COL25A1: variants seen among roughly 807,000 people sequenced by gnomAD.
COL25A1 encodes collagen alpha-1(XXV) chain.
COL25A1 carries 103 observed loss-of-function variants against 128.4 expected under a neutral mutation model. The ratio of observed to expected loss-of-function variants is 0.80; its 90% CI spans 0.68 to 0.94. The LOEUF (loss-of-function observed/expected upper bound fraction) is 0.94. Among genes scored for constraint, COL25A1 ranks in the 40% least tolerant of loss-of-function variants. The pLI, the probability that COL25A1 is intolerant of heterozygous loss-of-function variation, is 0.00. For synonymous variants in COL25A1, 279 were observed against 277.2 expected, an observed-to-expected ratio of 1.01 and a Z score of -0.06; for missense variants, 745 against 840.0, an observed-to-expected ratio of 0.89 and a Z score of 1.40.
chr4:109,276,482 T>C (rs1043802033), intron 3 of COL25A1, among the ~76,000 whole-genome samples: 4 of 152,022 alleles, frequency 2.6e-5, no homozygotes, highest in African/African-American at 9.7e-5. Flanking sequence ...AGGTGCTTAA[T>C]AACTATTTAT....
In COL25A1 at chr4:109,254,472, TATATATATATATATA is replaced by T. The variant is rs1560936646; in HGVS notation, c.367+46096_367+46110del. ...CTATGTACATGTAGGCATATGTTTA[TATATATATATATATA>T]TATATATATATATATATATGTATGT... On this transcript the variant is annotated intron_variant, in intron 3 of 37. Coordinates refer to ENST00000399132, the MANE Select transcript of COL25A1 (RefSeq NM_198721.4). Among the ~76,000 whole-genome samples the T allele has an allele frequency of 5.5e-4, 46 of 82,898 alleles. 2 individuals carry two copies. The highest frequency in any genetic ancestry group is 3.7e-3 in the African/African-American group (45 of 12,056). The allele number at this position is 82,898 out of a possible 152,430, so 54.4% of individuals were successfully genotyped here.
At chr4:109,144,720 T>A (rs868528576) in intron 3 of COL25A1, among the ~76,000 whole-genome samples, 2 of 152,214 alleles carry the variant, frequency 1.3e-5, no homozygotes, top group Non-Finnish European at 2.9e-5. Flanking sequence ...TTCACAGTAA[T>A]GTCTAAGTCC....
At chr4:108,825,247 A>G (rs1732234043) in intron 33 of COL25A1, 25 bp from the exon 34 acceptor site, 2 of 1,607,272 alleles carry the variant, frequency 1.2e-6, no homozygotes, top group South Asian at 1.1e-5. Flanking sequence ...TAGTAGCTAC[A>G]TTAGTGTTTC....
At chr4:108,930,961 T>C (rs1276265647) in intron 11 of COL25A1, among the ~76,000 whole-genome samples, 4 of 152,222 alleles carry the variant, frequency 2.6e-5, no homozygotes, top group Admixed American at 6.5e-5. Flanking sequence ...CTTTATCTAA[T>C]GATGAAATAT....
At chr4:109,214,640 C>T (rs868731086) in intron 3 of COL25A1, among the ~76,000 whole-genome samples, 6 of 151,806 alleles carry the variant, frequency 4.0e-5, no homozygotes, top group East Asian at 1.9e-4. Context: ...AAACAAGTTA[C>T]GTGTTGGACA....
intron 3 of COL25A1, among the ~76,000 whole-genome samples, chr4:109,065,106 G>C (rs936051703): frequency 6.6e-6 from 1 of 152,146 alleles, no homozygotes; most frequent in Non-Finnish European, 1.5e-5. Context: ...CTAGCCCCTC[G>C]GACTGGACTG....
intron 5 of COL25A1, chr4:109,021,780 A>G (rs1170223763): frequency 1.8e-5 from 8 of 453,408 alleles, no homozygotes; most frequent in South Asian, 1.2e-4. Context: ...TCCTGGGGGC[A>G]GGTCTATAAA....
intron 16 of COL25A1, among the ~76,000 whole-genome samples, chr4:108,895,938 CTTTT>C (rs35506597): frequency 1.4e-5 from 1 of 70,792 alleles, no homozygotes; most frequent in African/African-American, 5.4e-5. Flanking sequence ...TATAATCAAA[CTTTT>C]TTTTTTTTTT....
At chr4:109,191,097 C>T (rs144620571) in intron 3 of COL25A1, among the ~76,000 whole-genome samples, 14 of 152,198 alleles carry the variant, frequency 9.2e-5, no homozygotes, top group East Asian at 7.7e-4. Context: ...ATCACTATTC[C>T]GAAGCAAACA....
At chr4:109,223,290 C>G (rs974279845) in intron 3 of COL25A1, among the ~76,000 whole-genome samples, 2 of 152,132 alleles carry the variant, frequency 1.3e-5, no homozygotes, top group African/African-American at 4.8e-5. Context: ...ACAATTCTAA[C>G]ACGTCTATTG....
intron 16 of COL25A1, among the ~76,000 whole-genome samples, chr4:108,893,901 T>C (rs1051241009): frequency 2.6e-5 from 4 of 152,198 alleles, no homozygotes; most frequent in Non-Finnish European, 4.4e-5. Flanking sequence ...TTACATATTA[T>C]ACACATTACA....
chr4:109,216,471 G>C (rs1187209747), intron 3 of COL25A1, among the ~76,000 whole-genome samples: 1 of 152,114 alleles, frequency 6.6e-6, no homozygotes, highest in Non-Finnish European at 1.5e-5. Flanking sequence ...GGTCTTTGTA[G>C]ATATAATCAA....
At chr4:109,051,015 G>T (rs992246331) in intron 3 of COL25A1, among the ~76,000 whole-genome samples, 1 of 151,930 alleles carries the variant, frequency 6.6e-6, no homozygotes, top group Non-Finnish European at 1.5e-5. Flanking sequence ...CATTTCCTTG[G>T]GCAGGAGTAG....
At chr4:109,010,873 TTTAAG>T (rs1756519953) in intron 5 of COL25A1, among the ~76,000 whole-genome samples, 1 of 152,226 alleles carries the variant, frequency 6.6e-6, no homozygotes, top group South Asian at 2.1e-4. Context: ...TCAATAACAT[TTTAAG>T]TTAATTTAAA....
chr4:109,036,715 C>T (rs1759397339), intron 5 of COL25A1, among the ~76,000 whole-genome samples: 1 of 152,158 alleles, frequency 6.6e-6, no homozygotes, highest in Admixed American at 6.5e-5. Flanking sequence ...TATTCTTCAC[C>T]ATTGATTAGA....
chr4:109,091,711 T>G (rs1253921834), intron 3 of COL25A1, among the ~76,000 whole-genome samples: 1 of 151,540 alleles, frequency 6.6e-6, no homozygotes, highest in African/African-American at 2.4e-5. Flanking sequence ...CTCAGATATC[T>G]GACTAATAAA....
At chr4:108,915,206 G>A (rs1452405641) in intron 13 of COL25A1, among the ~76,000 whole-genome samples, 4 of 152,190 alleles carry the variant, frequency 2.6e-5, no homozygotes, top group Non-Finnish European at 5.9e-5. Flanking sequence ...ATTCAGATTA[G>A]CAATCAAGGT....
chr4:108,821,298 G>T (rs1434894872), intron 35 of COL25A1, among the ~76,000 whole-genome samples: 1 of 152,216 alleles, frequency 6.6e-6, no homozygotes, highest in Non-Finnish European at 1.5e-5. Flanking sequence ...AGTTGATCAT[G>T]ATCAAAGACA....
Position 109,233,249 on chromosome 4 carries a change from T to C in COL25A1, c.367+67334A>G, listed in dbSNP as rs560952407. On this transcript the variant is annotated intron_variant, in intron 3 of 37. Transcript: ENST00000399132. ...CCTAATGAAAACATAATTACTTTTA[T>C]AATCAACTACTTAATAAATGTATTA... Among the ~76,000 whole-genome samples the C allele has an allele frequency of 2.0e-4, 30 of 152,312 alleles. No individual in the cohort carries two copies. In the South Asian group the frequency reaches 6.2e-3, roughly 32 times the overall value.
Sources: gnomAD v4.1 joint callset for allele counts (sites outside exome capture counted in the v4.1 genomes callset) on GRCh38, gnomAD v4.1.1 for gene constraint, MANE v1.5 for transcripts, NCBI Gene and HGNC (gene_info 2026-07-23, HGNC 2026-07-21) for gene names.